The following PSTPIP2 variants were observed in gnomAD, a reference collection of about 807,000 sequenced individuals.
The protein encoded by PSTPIP2 is proline-serine-threonine phosphatase interacting protein 2, also known as proline-serine-threonine phosphatase-interacting protein 2.
PSTPIP2 carries 33 observed loss-of-function variants against 63.3 expected under a neutral mutation model. That is an observed-to-expected ratio of 0.52 (90% CI 0.40 to 0.70). The LOEUF (loss-of-function observed/expected upper bound fraction) is 0.70, where lower values mean the gene tolerates loss of function less well. PSTPIP2 is among the 30% of genes least tolerant of loss of function. PSTPIP2 has a pLI of 0.00. For synonymous variants in PSTPIP2, 125 were observed against 132.7 expected (o/e 0.94, Z 0.40); for missense variants, 312 against 400.7 (o/e 0.78, Z 1.89).
intron 2 of PSTPIP2, chr18:46,029,833 G>A (rs1012671067): frequency 3.0e-5 from 13 of 426,848 alleles, no homozygotes; most frequent in African/African-American, 6.2e-5. Context: ...GGGCAAGGCC[G>A]GCTGGGCGCG....
At chr18:46,019,692 T>G (rs1907277287) in intron 3 of PSTPIP2, among the ~76,000 whole-genome samples, 1 of 152,064 alleles carries the variant, frequency 6.6e-6, no homozygotes, top group African/African-American at 2.4e-5. Context: ...TCCCAGCTAC[T>G]TGGGAAGCTG....
At chr18:46,026,500 T>A (rs1907585089) in intron 2 of PSTPIP2, among the ~76,000 whole-genome samples, 1 of 152,256 alleles carries the variant, frequency 6.6e-6, no homozygotes, top group African/African-American at 2.4e-5. Context: ...TCCCATCCTG[T>A]CATTTGTCTT....
At chr18:46,004,245 A>T (rs546502152) in intron 6 of PSTPIP2, among the ~76,000 whole-genome samples, 1 of 152,338 alleles carries the variant, frequency 6.6e-6, no homozygotes, top group African/African-American at 2.4e-5. Context: ...GGAGAAAAAG[A>T]ATGCAGCAGA....
chr18:46,040,133 G>T, intron 1 of PSTPIP2, 86 bp from the exon 2 acceptor site: 1 of 1,137,190 alleles, frequency 8.8e-7, no homozygotes, highest in African/African-American at 1.6e-5. Flanking sequence ...GAGGTGGGAA[G>T]CTGGCCACGG....
chr18:46,068,886 A>T (rs1909291566), intron 1 of PSTPIP2, among the ~76,000 whole-genome samples: 1 of 152,112 alleles, frequency 6.6e-6, no homozygotes, highest in African/African-American at 2.4e-5. Context: ...CAAGATTCCA[A>T]TCTGGTAAAA....
Position 45,997,743 on chromosome 18 carries a change from G to C in PSTPIP2, c.642+6C>G. On this transcript the variant is annotated splice_donor_region_variant and intron_variant, in intron 9 of 14. Transcript: ENST00000409746. ...CCAGTCCTGAGCAGCTTCCGGTTAC[G>C]GGTACCTCGCAGGCCTTGATGTGCT... 6.7e-7 allele frequency: 1 copy of C among 1,489,926 alleles called. No homozygotes were observed. The highest frequency in any genetic ancestry group is 2.6e-5 in the East Asian group (1 of 37,820). 92.3% of individuals were successfully genotyped at this position (1,489,926 alleles called of 1,614,324 possible). A position where few individuals can be genotyped will look rare whatever the true frequency, so the allele number is the denominator to read the frequency against.
chr18:46,007,491 CATG>C (rs1293549811), intron 5 of PSTPIP2, among the ~76,000 whole-genome samples: 4 of 152,218 alleles, frequency 2.6e-5, no homozygotes, highest in Admixed American at 2.6e-4. Flanking sequence ...CTGCGGTTCA[CATG>C]CATGACTGTG....
intron 4 of PSTPIP2, among the ~76,000 whole-genome samples, chr18:46,011,902 A>G (rs1324420850): frequency 6.6e-6 from 1 of 152,268 alleles, no homozygotes; most frequent in Admixed American, 6.5e-5. Context: ...AAAGACTGAA[A>G]GATGGTCAGA....
chr18:46,023,849 A>G (rs897722456), intron 3 of PSTPIP2, among the ~76,000 whole-genome samples: 4 of 151,668 alleles, frequency 2.6e-5, no homozygotes, highest in Non-Finnish European at 4.4e-5. Flanking sequence ...ACACACATAC[A>G]ATACACACAC....
intron 1 of PSTPIP2, among the ~76,000 whole-genome samples, chr18:46,066,522 G>T (rs1021566698): frequency 8.5e-5 from 13 of 152,260 alleles, no homozygotes; most frequent in South Asian, 2.1e-4. Context: ...CTGAGATTAC[G>T]TGGGGAATGG....
intron 3 of PSTPIP2, among the ~76,000 whole-genome samples, chr18:46,018,478 C>T (rs1056198602): frequency 2.6e-5 from 4 of 152,056 alleles, no homozygotes; most frequent in East Asian, 3.9e-4. Context: ...AAGCAATTCT[C>T]CTGCCTCAGC....
intron 2 of PSTPIP2, among the ~76,000 whole-genome samples, chr18:46,032,935 T>C (rs932030644): frequency 6.6e-6 from 1 of 152,162 alleles, no homozygotes; most frequent in Non-Finnish European, 1.5e-5. Context: ...ATGAAATCCT[T>C]TTGCCATAAA....
chr18:46,003,923 A>T (rs1362096506), intron 6 of PSTPIP2, among the ~76,000 whole-genome samples: 1 of 142,844 alleles, frequency 7.0e-6, no homozygotes, highest in South Asian at 2.2e-4. Context: ...CACCCAGCTA[A>T]TTTTTTTTTT....
chr18:45,988,640 C>T, intron 14 of PSTPIP2, 62 bp downstream of exon 14: 1 of 1,407,814 alleles, frequency 7.1e-7, no homozygotes, highest in Non-Finnish European at 1.0e-6. Flanking sequence ...GGTTCAAAGG[C>T]TTCAATAGCA....
Position 45,985,340 on chromosome 18 carries a change from G to T in PSTPIP2, c.*119C>A. 1 of 1,380,096 alleles carries T rather than the reference G, an allele frequency of 7.2e-7. No individual in the cohort carries two copies. The highest frequency in any genetic ancestry group is 1.0e-6 in the Non-Finnish European group (1 of 998,018). 85.5% of individuals were successfully genotyped at this position (1,380,096 alleles called of 1,614,324 possible). On this transcript the variant is annotated 3_prime_UTR_variant, in exon 15 of 15. Coordinates refer to ENST00000409746, the MANE Select transcript of PSTPIP2 (RefSeq NM_024430.4). Reference sequence around the variant, plus strand: ...AATTTTAAATCTCTAAAAAATTATAGCAAGGGTTCACTTCAAAGTCTTCAT... The same window carrying T: ...AATTTTAAATCTCTAAAAAATTATATCAAGGGTTCACTTCAAAGTCTTCAT...
chr18:46,018,471 C>A (rs890428935), intron 3 of PSTPIP2, among the ~76,000 whole-genome samples: 12 of 151,952 alleles, frequency 7.9e-5, no homozygotes, highest in African/African-American at 2.4e-4. Context: ...TGGGTTCAAG[C>A]AATTCTCCTG....
chr18:46,047,690 C>CA (rs66605539), intron 1 of PSTPIP2, among the ~76,000 whole-genome samples: 10,900 of 146,082 alleles, frequency 0.075, 481 homozygotes, highest in African/African-American at 0.13. Flanking sequence ...AATTCCATCT[C>CA]AAAAAAAAAA....
intron 3 of PSTPIP2, among the ~76,000 whole-genome samples, chr18:46,019,985 C>G (rs536665214): frequency 2.0e-5 from 3 of 152,282 alleles, no homozygotes; most frequent in East Asian, 3.9e-4. Flanking sequence ...GAAAGGCCAG[C>G]CTTACAGCTA....
At chr18:46,042,977 C>G (rs967689383) in intron 1 of PSTPIP2, among the ~76,000 whole-genome samples, 1 of 152,094 alleles carries the variant, frequency 6.6e-6, no homozygotes, top group African/African-American at 2.4e-5. Flanking sequence ...AGCAGCAATT[C>G]TGGGTTTTTT....
Sources: gnomAD v4.1 joint callset for allele counts (sites outside exome capture counted in the v4.1 genomes callset) on GRCh38, gnomAD v4.1.1 for gene constraint, MANE v1.5 for transcripts, NCBI Gene and HGNC (gene_info 2026-07-23, HGNC 2026-07-21) for gene names.